NDST3: variants seen among roughly 807,000 people sequenced by gnomAD.
NDST3 encodes the protein bifunctional heparan sulfate N-deacetylase/N-sulfotransferase 3.
NDST3 carries 58 observed loss-of-function variants against 96.1 expected under a neutral mutation model. The observed-to-expected ratio is 0.60, with a 90% CI of 0.49 to 0.75. The LOEUF (loss-of-function observed/expected upper bound fraction) is 0.75, where lower values mean the gene tolerates loss of function less well. NDST3 is among the 30% of genes least tolerant of loss of function. The probability of loss-of-function intolerance (pLI) is 0.00; values close to 1 mark genes in which losing one functional copy is unlikely to be tolerated. For missense variants in NDST3, 788 were observed against 1,034.2 expected (o/e 0.76, Z 3.27); for synonymous variants, 333 against 359.7 (o/e 0.93, Z 0.84).
intron 5 of NDST3, among the ~76,000 whole-genome samples, chr4:118,140,404 T>C (rs979770868): frequency 1.1e-4 from 17 of 152,338 alleles, no homozygotes; most frequent in Admixed American, 2.0e-4. Flanking sequence ...TTTAAGCTGT[T>C]TGAGCCCTAA....
At chr4:118,041,010 C>A (rs891781899) in intron 1 of NDST3, among the ~76,000 whole-genome samples, 5 of 151,496 alleles carry the variant, frequency 3.3e-5, no homozygotes, top group Non-Finnish European at 7.4e-5. Flanking sequence ...AGCCTCCCCT[C>A]GTGCTGGGAT....
chr4:118,156,481 A>C (rs538031015), intron 6 of NDST3, among the ~76,000 whole-genome samples: 1 of 152,282 alleles, frequency 6.6e-6, no homozygotes, highest in Non-Finnish European at 1.5e-5. Context: ...TACACTGCAA[A>C]AGTTTTGGCA....
intron 2 of NDST3, among the ~76,000 whole-genome samples, chr4:118,083,628 A>C (rs1245444691): frequency 6.6e-6 from 1 of 152,178 alleles, no homozygotes; most frequent in Non-Finnish European, 1.5e-5. Flanking sequence ...TCATCAGGAA[A>C]GGGTAGAGAT....
intron 2 of NDST3, among the ~76,000 whole-genome samples, chr4:118,070,448 T>C (rs1454700400): frequency 6.6e-6 from 1 of 152,078 alleles, no homozygotes; most frequent in Admixed American, 6.6e-5. Context: ...CTCTCTGGTT[T>C]CCCTGAATAA....
intron 13 of NDST3, among the ~76,000 whole-genome samples, chr4:118,254,372 T>A (rs764704619): frequency 2.1e-4 from 32 of 152,138 alleles, no homozygotes; most frequent in Non-Finnish European, 4.3e-4. Context: ...AATATGCTAA[T>A]AAAATGAAAG....
At chr4:118,175,710 G>A (rs1421122600) in intron 6 of NDST3, among the ~76,000 whole-genome samples, 1 of 152,080 alleles carries the variant, frequency 6.6e-6, no homozygotes, top group East Asian at 1.9e-4. Flanking sequence ...CAATTGTGTG[G>A]TTTGCCTCTG....
chr4:118,076,721 T>C (rs2125810676), intron 2 of NDST3, among the ~76,000 whole-genome samples: 1 of 152,332 alleles, frequency 6.6e-6, no homozygotes, highest in Non-Finnish European at 1.5e-5. Flanking sequence ...TTAGAGTTTT[T>C]GGATTCAGTT....
intron 4 of NDST3, among the ~76,000 whole-genome samples, chr4:118,121,367 T>G (rs1731553797): frequency 1.3e-5 from 2 of 152,336 alleles, no homozygotes; most frequent in South Asian, 4.1e-4. Context: ...TGAAACATCA[T>G]ATCTAATTAT....
At chr4:118,221,695 C>T (rs1739556827) in intron 6 of NDST3, among the ~76,000 whole-genome samples, 1 of 151,926 alleles carries the variant, frequency 6.6e-6, no homozygotes, top group South Asian at 2.1e-4. Flanking sequence ...TGACATTTAC[C>T]TTTTCCCTTT....
At chr4:118,173,259 G>A (rs974445459) in intron 6 of NDST3, among the ~76,000 whole-genome samples, 2 of 151,962 alleles carry the variant, frequency 1.3e-5, no homozygotes, top group Non-Finnish European at 2.9e-5. Flanking sequence ...AAGAAACTGA[G>A]GTTCAAAGAA....
At chr4:118,063,102 A>G (rs1726029446) in intron 2 of NDST3, among the ~76,000 whole-genome samples, 1 of 151,954 alleles carries the variant, frequency 6.6e-6, no homozygotes, top group Non-Finnish European at 1.5e-5. Context: ...AGGCAGGAAA[A>G]TAGCTTGAAC....
At position 118,240,526 on chromosome 4, in the gene NDST3, T is replaced by C. The variant is rs1337589498; in HGVS notation, c.2121T>C (p.His707=). 1 of 1,599,350 alleles carries C rather than the reference T, an allele frequency of 6.3e-7. No individual in the cohort carries two copies. The highest frequency in any genetic ancestry group is 8.5e-7 in the Non-Finnish European group (1 of 1,172,402). The change falls in exon 11 of 14, where the codon CAT becomes CAC. Residue 707 remains histidine (H), a splice_region_variant and synonymous_variant. Coordinates refer to ENST00000296499, the MANE Select transcript of NDST3 (RefSeq NM_004784.3). Reference sequence around the variant, plus strand: ...AATTATCCACCTTTTCATCATAGCATCAGCGATCACATGAAGACCCTGCAG... The same window carrying C: ...AATTATCCACCTTTTCATCATAGCACCAGCGATCACATGAAGACCCTGCAG... ...PSDRAYSWYQ[H]QRSHEDPAAL...
chr4:118,063,044 G>T (rs906112744), intron 2 of NDST3, among the ~76,000 whole-genome samples: 2 of 151,936 alleles, frequency 1.3e-5, no homozygotes, highest in African/African-American at 4.8e-5. Flanking sequence ...TACAAAATTA[G>T]CCAGGAGTGG....
intron 6 of NDST3, among the ~76,000 whole-genome samples, chr4:118,211,041 A>T (rs1487876043): frequency 2.0e-5 from 3 of 152,194 alleles, no homozygotes; most frequent in Admixed American, 1.3e-4. Flanking sequence ...CACCCACTGG[A>T]GAACAGAGCA....
At chr4:118,128,300 A>G (rs1732295753) in intron 4 of NDST3, among the ~76,000 whole-genome samples, 1 of 152,030 alleles carries the variant, frequency 6.6e-6, no homozygotes, top group Admixed American at 6.6e-5. Flanking sequence ...TTCCCAATTC[A>G]GTATGACACC....
chr4:118,158,816 T>C (rs1348318190), intron 6 of NDST3, among the ~76,000 whole-genome samples: 2 of 152,298 alleles, frequency 1.3e-5, no homozygotes, highest in East Asian at 3.9e-4. Flanking sequence ...TAGGGTGACA[T>C]CAGCAAAATG....
chr4:118,055,367 T>C (rs1578544566), intron 2 of NDST3: 1 of 182,978 alleles, frequency 5.5e-6, no homozygotes, highest in East Asian at 1.6e-4. Flanking sequence ...TTATCATATT[T>C]TTCTGAAACT....
intron 1 of NDST3, among the ~76,000 whole-genome samples, chr4:118,049,126 T>C (rs1044961815): frequency 6.6e-6 from 1 of 152,096 alleles, no homozygotes; most frequent in Admixed American, 6.6e-5. Context: ...AATAACTCCT[T>C]GGTGAACATC....
intron 5 of NDST3, among the ~76,000 whole-genome samples, chr4:118,141,560 A>G (rs1239371842): frequency 6.6e-6 from 1 of 152,174 alleles, no homozygotes; most frequent in Non-Finnish European, 1.5e-5. Context: ...CAAAATTCAA[A>G]TATCTTTTTG....
Sources: gnomAD v4.1 joint callset for allele counts (sites outside exome capture counted in the v4.1 genomes callset) on GRCh38, gnomAD v4.1.1 for gene constraint, MANE v1.5 for transcripts, NCBI Gene and HGNC (gene_info 2026-07-23, HGNC 2026-07-21) for gene names.